Variants in CELF2 observed in about 807,000 individuals in gnomAD.
CELF2 encodes the protein CUGBP Elav-like family member 2.
In CELF2, 8 loss-of-function variants were observed where a neutral mutation model predicts 62.6. The ratio of observed to expected loss-of-function variants is 0.13; its 90% confidence interval spans 0.07 to 0.23. The LOEUF (loss-of-function observed/expected upper bound fraction) is 0.23. Ranked by LOEUF, CELF2 falls within the 10% of genes least tolerant of loss-of-function variation. The pLI is 1.00. For missense variants in CELF2, 333 were observed against 671.0 expected (o/e 0.50, Z 5.56); for synonymous variants, 258 against 250.0 (o/e 1.03, Z -0.30).
chr10:11,113,742 G>A (rs781007892), intron 1 of CELF2, among the ~76,000 whole-genome samples: 1 of 152,160 alleles, frequency 6.6e-6, no homozygotes, highest in Non-Finnish European at 1.5e-5. Flanking sequence ...CAGCGGGTCT[G>A]CCTGTATGGA....
intron 1 of CELF2, among the ~76,000 whole-genome samples, chr10:11,088,982 C>T (rs1343832904): frequency 5.3e-5 from 8 of 152,196 alleles, no homozygotes; most frequent in South Asian, 2.1e-4. Flanking sequence ...GCCATTGGCA[C>T]GGCTGCTGGG....
the CELF2 span, among the ~76,000 whole-genome samples, chr10:10,756,856 T>C: frequency 6.6e-6 from 1 of 152,144 alleles, no homozygotes; most frequent in Non-Finnish European, 1.5e-5. Flanking sequence ...AAAAAATAAC[T>C]ACGGGGACTG....
At chr10:11,158,624 T>C (rs563499669) in intron 1 of CELF2, among the ~76,000 whole-genome samples, 22 of 152,246 alleles carry the variant, frequency 1.4e-4, no homozygotes, top group African/African-American at 5.1e-4. Flanking sequence ...CAAATTTACT[T>C]CTTTGTGGGG....
chr10:10,777,637 G>A, the CELF2 span, among the ~76,000 whole-genome samples: 26 of 152,110 alleles, frequency 1.7e-4, no homozygotes, highest in East Asian at 1.2e-3. Context: ...ATCTTTCTTC[G>A]TTCCAGTCCA....
intron 1 of CELF2, among the ~76,000 whole-genome samples, chr10:11,148,687 C>T (rs939029159): frequency 3.7e-4 from 57 of 152,134 alleles, no homozygotes; most frequent in African/African-American, 1.2e-3. Context: ...ATAATGTATG[C>T]TTTCATACAT....
intron 2 of CELF2, among the ~76,000 whole-genome samples, chr10:10,980,582 A>G (rs1433819533): frequency 1.3e-5 from 2 of 152,162 alleles, no homozygotes; most frequent in Non-Finnish European, 2.9e-5. Context: ...GCATCAACCT[A>G]ATGGATTCTG....
chr10:11,107,674 G>A (rs2895457), intron 1 of CELF2, among the ~76,000 whole-genome samples: 31,381 of 151,432 alleles, frequency 0.21, 4,647 homozygotes, highest in East Asian at 0.76. Context: ...CCCTTAATCC[G>A]GTCCATGTGT....
At chr10:10,836,524 G>A (rs188489471) in intron 1 of CELF2, among the ~76,000 whole-genome samples, 4 of 152,372 alleles carry the variant, frequency 2.6e-5, no homozygotes, top group African/African-American at 9.6e-5. Flanking sequence ...GAAAGAGAGA[G>A]AGGCAATGTA....
intron 8 of CELF2, among the ~76,000 whole-genome samples, chr10:11,276,351 T>C (rs1240681517): frequency 3.3e-5 from 5 of 152,340 alleles, no homozygotes; most frequent in Non-Finnish European, 7.4e-5. Context: ...CCTGGTTCCG[T>C]TGTAACATAG....
chr10:10,505,558 A>G, the CELF2 span, among the ~76,000 whole-genome samples: 17 of 152,040 alleles, frequency 1.1e-4, no homozygotes, highest in Non-Finnish European at 2.1e-4. Context: ...GGACCTCATT[A>G]CTGGTCAGTG....
At chr10:10,495,161 G>T in the CELF2 span, among the ~76,000 whole-genome samples, 33 of 152,212 alleles carry the variant, frequency 2.2e-4, no homozygotes, top group Middle Eastern at 6.8e-3. Context: ...GGCGCCTGTA[G>T]TCCCAGCTAC....
chr10:10,491,621 T>C, the CELF2 span, among the ~76,000 whole-genome samples: 2 of 152,228 alleles, frequency 1.3e-5, no homozygotes, highest in East Asian at 3.9e-4. Context: ...GGAGCATTCA[T>C]GAATTCTTTT....
rs1308613174 is a variant in CELF2 at position 10,997,880 on chromosome 10, C to T, written c.89+77881C>T. 1.3e-5 allele frequency among the ~76,000 whole-genome samples: 2 copies of T among 152,070 alleles called. No homozygotes were observed. The highest frequency in any genetic ancestry group is 3.9e-4 in the East Asian group (2 of 5,186). On this transcript the variant is annotated intron_variant, in intron 2 of 13. Transcript: ENST00000636488. This position sits in a 1 kb window ranked among gnomAD's most constrained non-coding sequence, Gnocchi z 5.3. ...GCTTGATATGGTTTGGCTCTGTATC[C>T]CCACCCAAATCTCACCTTGAATTGT...
chr10:11,011,276 AC>A lies in CELF2; in HGVS notation c.53+5837del, dbSNP rs2056418788. Among the ~76,000 whole-genome samples, 1 of 152,060 alleles carries A rather than the reference AC, an allele frequency of 6.6e-6. No homozygotes were observed. Among genetic ancestry groups the A allele is most frequent in the Non-Finnish European group, 1.5e-5 (1 of 68,024 alleles). On this transcript the variant is annotated intron_variant, in intron 1 of 12. Transcript: ENST00000416382. This position sits in a 1 kb window ranked among gnomAD's most constrained non-coding sequence, Gnocchi z 4.6. ...ACATACATGCAGTGCTCAATGAAAG[AC>A]ATAGTCTGGGGCCTCAAGCAACTCA...
At chr10:11,185,704 A>G (rs2074685175) in intron 2 of CELF2, among the ~76,000 whole-genome samples, 1 of 152,160 alleles carries the variant, frequency 6.6e-6, no homozygotes, top group Non-Finnish European at 1.5e-5. Flanking sequence ...ATGAGCCACC[A>G]TGCCTGGCTG....
At chr10:10,789,001 A>G in the CELF2 span, 1 of 151,870 alleles carries the variant, frequency 6.6e-6, no homozygotes, top group African/African-American at 2.4e-5. Flanking sequence ...TACCCTAGAG[A>G]TTTTCCTGTG....
intron 1 of CELF2, among the ~76,000 whole-genome samples, chr10:10,811,098 C>G (rs537937095): frequency 6.6e-6 from 1 of 152,210 alleles, no homozygotes; most frequent in Non-Finnish European, 1.5e-5. Flanking sequence ...GTCAGACTCA[C>G]GACCAAAGAC....
At chr10:10,651,708 A>G in the CELF2 span, among the ~76,000 whole-genome samples, 2 of 151,770 alleles carry the variant, frequency 1.3e-5, no homozygotes, top group Non-Finnish European at 2.9e-5. Flanking sequence ...ATCTACACCG[A>G]AAACCCATCT....
At chr10:10,598,793 C>T in the CELF2 span, among the ~76,000 whole-genome samples, 39 of 115,972 alleles carry the variant, frequency 3.4e-4, no homozygotes, top group Non-Finnish European at 6.1e-4. Context: ...CAGAGTCTCC[C>T]TCTGTAGCCA....
Sources: gnomAD v4.1 joint callset for allele counts (sites outside exome capture counted in the v4.1 genomes callset) on GRCh38, gnomAD v4.1.1 for gene constraint, Gnocchi (gnomAD v3.1) non-coding constraint, MANE v1.5 for transcripts, NCBI Gene and HGNC (gene_info 2026-07-23, HGNC 2026-07-21) for gene names.